NRG1: variants seen among roughly 807,000 people sequenced by gnomAD.
NRG1 encodes the protein neuregulin 1.
Under a neutral mutation model 63.8 loss-of-function variants are expected in NRG1, and 18 were observed. The observed-to-expected ratio is 0.28, with a 90% CI of 0.19 to 0.42. The LOEUF (loss-of-function observed/expected upper bound fraction) is 0.42, where lower values mean the gene tolerates loss of function less well. NRG1 is among the 10% of genes least tolerant of loss of function. NRG1 has a pLI of 1.00. For missense variants in NRG1, 762 were observed against 814.7 expected (o/e 0.94, Z 0.79); for synonymous variants, 302 against 301.3 (o/e 1.00, Z -0.02).
chr8:31,656,291 G>A lies in NRG1; in HGVS notation c.37+16860G>A, dbSNP rs1205368985. ...AGTGGCTGCTGCATCTGTGTCCCTC[G>A]AACATCCTGATGGAAGAGGAGGAAG... On this transcript the variant is annotated intron_variant, in intron 1 of 10. Transcript: ENST00000519301. 3.3e-5 allele frequency among the ~76,000 whole-genome samples: 5 copies of A among 152,284 alleles called. No individual in the cohort carries two copies. In the South Asian group the frequency reaches 8.3e-4, roughly 25 times the overall value.
chr8:32,024,768 A>G (rs1419304595), intron 1 of NRG1, among the ~76,000 whole-genome samples: 2 of 152,218 alleles, frequency 1.3e-5, no homozygotes, highest in African/African-American at 4.8e-5. Context: ...ATTATCTCCT[A>G]CAGATCAAAA....
intron 1 of NRG1, among the ~76,000 whole-genome samples, chr8:31,803,465 A>G (rs1202645150): frequency 1.3e-5 from 2 of 152,266 alleles, no homozygotes; most frequent in African/African-American, 4.8e-5. Flanking sequence ...CTTAGACATC[A>G]CCTTGGGTAA....
chr8:32,082,807 G>A (rs1827666272), intron 1 of NRG1, among the ~76,000 whole-genome samples: 2 of 151,972 alleles, frequency 1.3e-5, no homozygotes, highest in African/African-American at 4.8e-5. Flanking sequence ...GTAGTTCTAT[G>A]TACAGTCACA....
At chr8:32,442,380 T>C (rs1819662177) in intron 1 of NRG1, 1 of 152,242 alleles carries the variant, frequency 6.6e-6, no homozygotes, top group Admixed American at 6.5e-5. Flanking sequence ...TCTGGCTCTT[T>C]GGCACTTCCC....
intron 1 of NRG1, among the ~76,000 whole-genome samples, chr8:32,514,769 A>G (rs1018609275): frequency 6.6e-6 from 1 of 152,102 alleles, no homozygotes; most frequent in Non-Finnish European, 1.5e-5. Context: ...TACCCTATAG[A>G]TTACTAACAA....
chr8:32,587,243 A>C (rs919003092), intron 1 of NRG1, among the ~76,000 whole-genome samples: 5 of 152,054 alleles, frequency 3.3e-5, no homozygotes, highest in Admixed American at 3.3e-4. Context: ...CAGAGAAGGT[A>C]ATGTGCTTTT....
intron 1 of NRG1, among the ~76,000 whole-genome samples, chr8:32,142,039 C>G (rs941816068): frequency 6.6e-6 from 1 of 152,014 alleles, no homozygotes; most frequent in East Asian, 1.9e-4. Flanking sequence ...GGCAAGGGCT[C>G]GAACCAGCTA....
At position 32,135,064 on chromosome 8, in the gene NRG1, G is replaced by A. The variant is rs139535961; in HGVS notation, c.38-460764G>A. ...TCACAGATGGCAAATACCTAACATG[G>A]TGATGCTAAAGTCAGCATGAACCTC... On this transcript the variant is annotated intron_variant, in intron 1 of 10. Coordinates refer to the NRG1 transcript ENST00000519301. 5.8e-4 allele frequency among the ~76,000 whole-genome samples: 89 copies of A among 152,242 alleles called. No homozygotes were observed. The South Asian group carries it at 6.6e-3, about 11-fold the overall frequency.
At chr8:32,695,718 G>A (rs1813121429) in intron 5 of NRG1, among the ~76,000 whole-genome samples, 1 of 152,170 alleles carries the variant, frequency 6.6e-6, no homozygotes, top group African/African-American at 2.4e-5. Context: ...AATGGCACAT[G>A]GTCAGAACGA....
intron 1 of NRG1, among the ~76,000 whole-genome samples, chr8:32,156,971 G>C (rs780999336): frequency 1.2e-4 from 18 of 151,876 alleles, no homozygotes; most frequent in Non-Finnish European, 2.2e-4. Flanking sequence ...AGTTGATAAT[G>C]TTTGTAAAGA....
At chr8:32,418,310 G>T (rs1323004117) in intron 1 of NRG1, among the ~76,000 whole-genome samples, 1 of 151,736 alleles carries the variant, frequency 6.6e-6, no homozygotes, top group Non-Finnish European at 1.5e-5. Context: ...AGAGAAATAA[G>T]TGAAGTTAAT....
chr8:32,269,424 GC>G (rs1851318829), intron 1 of NRG1, among the ~76,000 whole-genome samples: 2 of 152,220 alleles, frequency 1.3e-5, no homozygotes, highest in East Asian at 3.9e-4. Flanking sequence ...ATTACATCCT[GC>G]CAACGATTCT....
At chr8:31,971,564 A>G (rs907337415) in intron 1 of NRG1, among the ~76,000 whole-genome samples, 5 of 152,188 alleles carry the variant, frequency 3.3e-5, no homozygotes, top group Non-Finnish European at 5.9e-5. Flanking sequence ...ATTTGAAACC[A>G]TTCTGGAAAA....
At chr8:32,672,975 A>G (rs1180687187) in intron 5 of NRG1, among the ~76,000 whole-genome samples, 2 of 152,232 alleles carry the variant, frequency 1.3e-5, no homozygotes, top group Non-Finnish European at 2.9e-5. Flanking sequence ...CTTTGTTAAA[A>G]CAAGAATGTG....
chr8:32,157,049 C>CGTGTGTGT (rs34725608), intron 1 of NRG1, among the ~76,000 whole-genome samples: 387 of 140,976 alleles, frequency 2.7e-3, no homozygotes, highest in African/African-American at 7.2e-3. Flanking sequence ...AATTAAAACT[C>CGTGTGTGT]GTGTGTGTGT....
At chr8:32,726,323 A>G (rs1039230977) in intron 5 of NRG1, among the ~76,000 whole-genome samples, 9 of 152,004 alleles carry the variant, frequency 5.9e-5, no homozygotes, top group African/African-American at 2.2e-4. Flanking sequence ...ATTGAATGCC[A>G]ATTTTTTTTT....
chr8:31,888,802 T>A (rs546433203), intron 1 of NRG1, among the ~76,000 whole-genome samples: 1 of 152,274 alleles, frequency 6.6e-6, no homozygotes, highest in East Asian at 1.9e-4. Flanking sequence ...AAATCTGTTA[T>A]CAGAATTATG....
intron 1 of NRG1, among the ~76,000 whole-genome samples, chr8:31,830,936 A>G (rs1311323053): frequency 7.2e-5 from 11 of 151,978 alleles, no homozygotes; most frequent in Admixed American, 7.2e-4. Flanking sequence ...GCTTCACTCA[A>G]CTTCCCTTGA....
chr8:31,969,258 C>T (rs909419307), intron 1 of NRG1, among the ~76,000 whole-genome samples: 3 of 152,062 alleles, frequency 2.0e-5, no homozygotes, highest in Non-Finnish European at 4.4e-5. Flanking sequence ...ATTTTTGTTA[C>T]GTTGCATGAT....
Sources: allele counts gnomAD v4.1 joint callset (sites outside exome capture counted in the v4.1 genomes callset), GRCh38; gene constraint gnomAD v4.1.1; transcripts MANE v1.5; gene names NCBI Gene and HGNC (gene_info 2026-07-23, HGNC 2026-07-21).